Variants in INF2 observed in about 807,000 individuals in gnomAD.
The protein encoded by INF2 is inverted formin-2.
In INF2, 43 loss-of-function variants were observed where a neutral mutation model predicts 123.5. The observed-to-expected ratio is 0.35, with a 90% CI of 0.27 to 0.45. The LOEUF is 0.45. INF2 is among the 20% of genes least tolerant of loss of function. The pLI is 1.00. For missense variants in INF2, 1,453 were observed against 1,682.7 expected, an observed-to-expected ratio of 0.86 and a Z score of 2.39; for synonymous variants, 851 against 745.0, an observed-to-expected ratio of 1.14 and a Z score of -2.32.
chr14:104,719,793 A>G lies in INF2; in HGVS notation c.*1000A>G, dbSNP rs1252926606. 1 of 152,080 alleles carries G rather than the reference A, an allele frequency of 6.6e-6. No individual in the cohort carries two copies. Among genetic ancestry groups the G allele is most frequent in the Non-Finnish European group, 1.5e-5 (1 of 68,026 alleles). The allele number at this position is 152,080 out of a possible 1,614,324, so 9.4% of individuals were successfully genotyped here. A position where few individuals can be genotyped will look rare whatever the true frequency, so the allele number is the denominator to read the frequency against. ...GGCACCGTGTGAGCATTCACTGTTGAGGGTCCCCCAGTCCCCCAGGCCAGG... is the reference window on the plus strand; with the variant it reads ...GGCACCGTGTGAGCATTCACTGTTGGGGGTCCCCCAGTCCCCCAGGCCAGG... On this transcript the variant is annotated 3_prime_UTR_variant, in exon 23 of 23. Coordinates refer to ENST00000392634, the MANE Select transcript of INF2 (RefSeq NM_022489.4).
At chr14:104,713,418 G>C (rs202124201) in intron 19 of INF2, 27 bp from the exon 20 acceptor site, 1 of 1,603,228 alleles carries the variant, frequency 6.2e-7, no homozygotes, top group Non-Finnish European at 8.5e-7. Context: ...GTCCCATGCC[G>C]CTCTCTGAGT....
At chr14:104,712,656 GC>G (rs1890107622) in intron 17 of INF2, 103 bp downstream of exon 17, 1 of 1,569,472 alleles carries the variant, frequency 6.4e-7, no homozygotes, top group African/African-American at 1.3e-5. Flanking sequence ...GGATCCTGGG[GC>G]CCGAGTTTCC....
chr14:104,710,302 C>G, intron 13 of INF2, 114 bp downstream of exon 13: 1 of 740,392 alleles, frequency 1.4e-6, no homozygotes, highest in Non-Finnish European at 2.3e-6. Flanking sequence ...CTAAGAGCAC[C>G]TAAGGGTGCC....
Position 104,712,971 on chromosome 14 carries a change from C to T in INF2, c.2754C>T (p.Asp918=). The T allele has an allele frequency of 1.2e-6, 2 of 1,612,612 alleles. No individual in the cohort carries two copies. The highest frequency in any genetic ancestry group is 1.7e-6 in the Non-Finnish European group (2 of 1,179,812). ...DTFSTMKAFR[D]LFLRALKENK... ...TCAGCACCATGAAGGCTTTCCGGGA[C>T]CTTTTCCTCCGCGCCCTGAAGGTGG... The change falls in exon 18 of 23, where the codon GAC becomes GAT. Residue 918 remains aspartate (D), a synonymous_variant. Transcript: ENST00000392634.
Position 104,721,530 on chromosome 14 carries a change from T to C in INF2, c.*2737T>C, listed in dbSNP as rs982402712. 1.3e-5 allele frequency: 2 copies of C among 154,224 alleles called. No individual in the cohort carries two copies. Among genetic ancestry groups the C allele is most frequent in the South Asian group, 3.8e-4 (2 of 5,320 alleles). 9.6% of individuals were successfully genotyped at this position (154,224 alleles called of 1,614,324 possible). ...ACACGCTAAGTTTATGTTTAACTTT[T>C]TAAGTAACTGCCTAACTGTTTTCCA... On this transcript the variant is annotated 3_prime_UTR_variant, in exon 23 of 23. Transcript: ENST00000392634.
rs1181308138 is a variant in INF2, at chr14:104,719,205, T to C, written c.*412T>C. On this transcript the variant is annotated 3_prime_UTR_variant, in exon 23 of 23. Coordinates refer to ENST00000392634, the MANE Select transcript of INF2 (RefSeq NM_022489.4). ...CAATGCTTTGCAAGTCTTTACTGCT[T>C]GGAGGTGGCTGAGTTGGGGGCCCTG... The C allele has an allele frequency of 1.1e-5, 2 of 189,242 alleles. No individual in the cohort carries two copies. The highest frequency in any genetic ancestry group is 2.2e-5 in the Non-Finnish European group (2 of 92,866). 11.7% of individuals were successfully genotyped at this position (189,242 alleles called of 1,614,324 possible). A position where few individuals can be genotyped will look rare whatever the true frequency, so the allele number is the denominator to read the frequency against.
Position 104,689,651 on chromosome 14 carries a change from G to A in INF2, c.-98G>A, listed in dbSNP as rs1888840433. 2 of 977,352 alleles carry A rather than the reference G, an allele frequency of 2.0e-6. No individual in the cohort carries two copies. The highest frequency in any genetic ancestry group is 1.8e-5 in the African/African-American group (1 of 56,892). The allele number at this position is 977,352 out of a possible 1,614,324, so 60.5% of individuals were successfully genotyped here. On this transcript the variant is annotated 5_prime_UTR_variant, in exon 1 of 23. Transcript: ENST00000392634. ...CCACCGTCCGAGCCTTGCGGAGCGC[G>A]GCAGTGGGCGCCGGCTGCCCGCAGC... is the stretch of plus-strand genomic sequence containing the variant.
chr14:104,688,655 G>A (rs73356792), upstream of INF2, among the ~76,000 whole-genome samples: 1,828 of 152,328 alleles, frequency 0.012, 32 homozygotes, highest in African/African-American at 0.041. Context: ...GAGTGCTGGC[G>A]CCGGTTCTCA....
Position 104,703,239 on chromosome 14 carries a change from G to A in INF2, c.507+19G>A, listed in dbSNP as rs771875521. ...CTACAAGGTGGGCGGCAGGGCCTGG[G>A]CCTGGGCACATGGGGCTCCCTGCCT... On this transcript the variant is annotated intron_variant, in intron 3 of 22. Coordinates refer to ENST00000392634, the MANE Select transcript of INF2 (RefSeq NM_022489.4). 1.4e-5 allele frequency: 22 copies of A among 1,612,914 alleles called. No individual in the cohort carries two copies. In the African/African-American group the frequency reaches 2.0e-4, roughly 15 times the overall value.
Position 104,707,301 on chromosome 14 carries a change from A to G in INF2, c.1034A>G (p.Lys345Arg). 1.9e-6 allele frequency: 3 copies of G among 1,608,440 alleles called. No individual in the cohort carries two copies. Among genetic ancestry groups the G allele is most frequent in the Non-Finnish European group, 2.5e-6 (3 of 1,178,156 alleles). The change falls in exon 8 of 23, where the codon AAG becomes AGG. Residue 345 changes from lysine (K) to arginine (R), a missense_variant. This residue lies in a region of INF2 where 374 missense variants were observed against 303.7 expected (regional missense o/e 1.23). Coordinates refer to ENST00000392634, the MANE Select transcript of INF2 (RefSeq NM_022489.4). ...GTGGTTGAGCGGCTCCTGTCTGTCA[A>G]GGGGCGACCCAGACCGAGCCCCCTG... is the stretch of plus-strand genomic sequence containing the variant. ...EEVVERLLSV[K>R]GRPRPSPLVK...
At chr14:104,689,509 A>AC (rs1888824809), upstream of INF2, 1 of 33,862 alleles carries the variant, frequency 3.0e-5, no homozygotes, top group African/African-American at 1.8e-4. Flanking sequence ...CCAGCCACCC[A>AC]CCTCCCCCCC....
rs1368359065 is a variant in INF2 at position 104,711,066 on chromosome 14, CT to C, written c.2311-12del. 6.2e-7 allele frequency: 1 copy of C among 1,603,844 alleles called. No homozygotes were observed. The highest frequency in any genetic ancestry group is 8.5e-7 in the Non-Finnish European group (1 of 1,176,756). On this transcript the variant is annotated splice_polypyrimidine_tract_variant and intron_variant, in intron 14 of 22. Transcript: ENST00000392634. ...GCCAGGGGCTGGTGAGACTCACTCC[CT>C]GCCCCTCCCAGGGCAGCCACACCGG... is the stretch of plus-strand genomic sequence containing the variant.
rs935274884 is a variant in INF2, at chr14:104,684,119, C to A, written c.-104+2537C>A. The A allele has an allele frequency of 4.4e-6, 2 of 455,914 alleles. No individual in the cohort carries two copies. Among genetic ancestry groups the A allele is most frequent in the African/African-American group, 4.0e-5 (2 of 50,086 alleles). The allele number at this position is 455,914 out of a possible 1,614,324, so 28.2% of individuals were successfully genotyped here. ...CACGGACCCCCGACATAAGACAGTT[C>A]AAAGCTGAGCGGCTCTCCCCATCAT... is the stretch of plus-strand genomic sequence containing the variant. On this transcript the variant is annotated intron_variant, in intron 1 of 2. Coordinates refer to the INF2 transcript ENST00000674723. The surrounding 1 kb of genome is among the most constrained non-coding windows in gnomAD (Gnocchi z 5.0).
intron 1 of INF2, among the ~76,000 whole-genome samples, chr14:104,700,473 A>G (rs1407649538): frequency 6.6e-6 from 1 of 152,098 alleles, no homozygotes; most frequent in Non-Finnish European, 1.5e-5. Context: ...TCTAAGCCAT[A>G]CATGGTTGCA....
At chr14:104,702,766 G>A (rs1045516556) in intron 2 of INF2, among the ~76,000 whole-genome samples, 2 of 152,254 alleles carry the variant, frequency 1.3e-5, no homozygotes, top group Admixed American at 1.3e-4. Context: ...TCCAGATGGG[G>A]TGGGAGGCAG....
At chr14:104,713,159 C>T (rs1566785374) in intron 18 of INF2, 48 bp from the exon 19 acceptor site, 4 of 1,581,908 alleles carry the variant, frequency 2.5e-6, no homozygotes, top group Non-Finnish European at 3.4e-6. Context: ...CCATGGAGCC[C>T]CTGAGGGATG....
At position 104,712,878 on chromosome 14, in the gene INF2, G is replaced by A. The variant is rs1337255371; in HGVS notation, c.2661G>A (p.Glu887=). 1 of 1,612,570 alleles carries A rather than the reference G, an allele frequency of 6.2e-7. No homozygotes were observed. The highest frequency in any genetic ancestry group is 8.5e-7 in the Non-Finnish European group (1 of 1,179,808). Residue 887 remains glutamate (E), a synonymous_variant, in exon 18 of 23, where the codon GAG becomes GAA. Coordinates refer to ENST00000392634, the MANE Select transcript of INF2 (RefSeq NM_022489.4). The part of the protein sequence containing the change: ...RALDELFEAI[E]QKQRELADYL... The stretch of plus-strand genomic sequence containing the variant: ...TGGATGAGCTGTTTGAGGCCATCGA[G>A]CAGAAGCAACGGGAGCTGGCCGACT...
At chr14:104,684,733 T>C (rs567511226), upstream of INF2, 2 of 152,470 alleles carry the variant, frequency 1.3e-5, no homozygotes, top group Admixed American at 1.3e-4. This position sits in a 1 kb window ranked among gnomAD's most constrained non-coding sequence, Gnocchi z 5.0. Flanking sequence ...AGCAGCTCGA[T>C]CTGTGACAGC....
chr14:104,689,284 G>C (rs1465523796), upstream of INF2: 1 of 984,198 alleles, frequency 1.0e-6, no homozygotes, highest in South Asian at 4.7e-5. Flanking sequence ...CCGGAGGATA[G>C]GGGTGTAGGT....
Sources: gnomAD v4.1 joint callset for allele counts (sites outside exome capture counted in the v4.1 genomes callset) on GRCh38, gnomAD v4.1.1 for gene constraint, gnomAD v4.1.1 regional missense constraint, Gnocchi (gnomAD v3.1) non-coding constraint, MANE v1.5 for transcripts, NCBI Gene and HGNC (gene_info 2026-07-23, HGNC 2026-07-21) for gene names.